BTG4: variants seen among roughly 807,000 people sequenced by gnomAD.
The protein encoded by BTG4 is BTG anti-proliferation factor 4.
In BTG4, 10 loss-of-function variants were observed where a neutral mutation model predicts 19.3. That is an observed-to-expected ratio of 0.52 (90% CI 0.32 to 0.88). The LOEUF (loss-of-function observed/expected upper bound fraction) is 0.88. Ranked by LOEUF, BTG4 falls within the 40% of genes least tolerant of loss-of-function variation. The pLI, the probability that BTG4 is intolerant of heterozygous loss-of-function variation, is 0.04. For missense variants in BTG4, 238 were observed against 281.9 expected, an observed-to-expected ratio of 0.84 and a Z score of 1.11; for synonymous variants, 91 against 95.7, an observed-to-expected ratio of 0.95 and a Z score of 0.29.
the BTG4 span, chr11:111,455,986 G>C: frequency 2.9e-6 from 1 of 341,982 alleles, no homozygotes; most frequent in Non-Finnish European, 6.1e-6. Flanking sequence ...CCCAGCAGGG[G>C]AGGAGAGGTA....
intron 5 of BTG4, among the ~76,000 whole-genome samples, chr11:111,476,108 A>T (rs1053023191): frequency 2.7e-5 from 4 of 147,816 alleles, no homozygotes; most frequent in Non-Finnish European, 5.9e-5. Flanking sequence ...AAACCATATC[A>T]TGCACCAAGA....
At chr11:111,505,354 A>G (rs957188148) in intron 1 of BTG4, among the ~76,000 whole-genome samples, 2 of 152,036 alleles carry the variant, frequency 1.3e-5, no homozygotes, top group African/African-American at 2.4e-5. Flanking sequence ...ATTAAAGTCA[A>G]CAGAAATAAA....
At chr11:111,390,975 T>C in the BTG4 span, among the ~76,000 whole-genome samples, 6 of 152,350 alleles carry the variant, frequency 3.9e-5, no homozygotes, top group East Asian at 1.2e-3. Flanking sequence ...AAGCCCTGGA[T>C]TGCAGAAAAT....
the BTG4 span, among the ~76,000 whole-genome samples, chr11:111,401,469 G>A: frequency 6.5e-3 from 962 of 146,986 alleles, 7 homozygotes; most frequent in African/African-American, 0.023. Flanking sequence ...GAGACAGAGC[G>A]AGACTCCGTC....
At chr11:111,490,343 C>T (rs768661939), downstream of BTG4, among the ~76,000 whole-genome samples, 2 of 152,006 alleles carry the variant, frequency 1.3e-5, no homozygotes, top group African/African-American at 2.4e-5. Context: ...AAATGATCAA[C>T]GCTTGAGGTG....
At chr11:111,498,256 C>T in intron 2 of BTG4, 121 bp from the exon 3 acceptor site, 1 of 1,069,342 alleles carries the variant, frequency 9.4e-7, no homozygotes, top group Non-Finnish European at 1.4e-6. Context: ...CCTCCTTCCC[C>T]TCAGCCTCCT....
the BTG4 span, among the ~76,000 whole-genome samples, chr11:111,409,820 G>GA: frequency 0.04 from 6,067 of 152,076 alleles, 130 homozygotes; most frequent in Middle Eastern, 0.14. Context: ...GCTATAGTAG[G>GA]AAAAAAAGCA....
the BTG4 span, among the ~76,000 whole-genome samples, chr11:111,437,018 G>A: frequency 2.6e-5 from 4 of 152,132 alleles, no homozygotes; most frequent in Non-Finnish European, 2.9e-5. Context: ...CCCTGTCTGC[G>A]GAGACTTTTA....
chr11:111,487,556 C>T (rs999499851), intron 5 of BTG4, among the ~76,000 whole-genome samples: 4 of 152,108 alleles, frequency 2.6e-5, no homozygotes, highest in Admixed American at 2.0e-4. Flanking sequence ...AACAAGACAA[C>T]GATGCCCACT....
chr11:111,440,260 C>T, the BTG4 span, among the ~76,000 whole-genome samples: 1 of 152,326 alleles, frequency 6.6e-6, no homozygotes, highest in Non-Finnish European at 1.5e-5. Context: ...AGCTTCAAGC[C>T]TTCACATGAC....
At chr11:111,514,702 C>A, upstream of BTG4, 3 of 1,105,766 alleles carry the variant, frequency 2.7e-6, no homozygotes, top group Non-Finnish European at 3.8e-6. Context: ...GGGCTGGTAC[C>A]AACTTGGCGG....
intron 1 of BTG4, among the ~76,000 whole-genome samples, chr11:111,507,567 A>C (rs542127254): frequency 6.6e-6 from 1 of 152,138 alleles, no homozygotes; most frequent in Non-Finnish European, 1.5e-5. Context: ...TCTGCTGCCT[A>C]TGGCTAATTC....
At chr11:111,391,123 G>T in the BTG4 span, among the ~76,000 whole-genome samples, 1 of 152,076 alleles carries the variant, frequency 6.6e-6, no homozygotes, top group Non-Finnish European at 1.5e-5. Flanking sequence ...CTTTTTCAGG[G>T]GTAGACAACC....
At chr11:111,437,024 T>C in the BTG4 span, among the ~76,000 whole-genome samples, 4 of 152,190 alleles carry the variant, frequency 2.6e-5, no homozygotes, top group South Asian at 2.1e-4. Flanking sequence ...CTGCGGAGAC[T>C]TTTATCCAAC....
rs1021874821 is a variant in BTG4, at chr11:111,500,464, T to G, written c.-26-1662A>C. Reference sequence around the variant, plus strand: ...GAGCCAAATCTACCTCTGATTTTCCTATATGTGCAGCCTAGTTTTTCCTTC... The same window carrying G: ...GAGCCAAATCTACCTCTGATTTTCCGATATGTGCAGCCTAGTTTTTCCTTC... On this transcript the variant is annotated intron_variant, in intron 1 of 4. Coordinates refer to ENST00000692032, the MANE Select transcript of BTG4 (RefSeq NM_001367975.1). Among the ~76,000 whole-genome samples, 12 of 152,358 alleles carry G rather than the reference T, an allele frequency of 7.9e-5. No homozygotes were observed. In the East Asian group the frequency reaches 2.3e-3, roughly 29 times the overall value.
At chr11:111,482,090 TA>T (rs1049070787) in intron 5 of BTG4, among the ~76,000 whole-genome samples, 8 of 151,542 alleles carry the variant, frequency 5.3e-5, no homozygotes, top group African/African-American at 1.5e-4. Context: ...TACACAGAGA[TA>T]AAAAAAATTC....
intron 5 of BTG4, among the ~76,000 whole-genome samples, chr11:111,488,799 G>C (rs1865220227): frequency 6.6e-6 from 1 of 152,058 alleles, no homozygotes; most frequent in Admixed American, 6.6e-5. Context: ...CATTTCTTTT[G>C]TTCTCTTTGT....
At chr11:111,467,656 C>T (rs752012810) in exon 6 of BTG4, 2 of 768,840 alleles carry the variant, frequency 2.6e-6, no homozygotes, top group Non-Finnish European at 4.8e-6. Flanking sequence ...GCTGCAAATT[C>T]ATTCCCAGAT....
the BTG4 span, among the ~76,000 whole-genome samples, chr11:111,386,931 T>C: frequency 0.028 from 4,232 of 152,280 alleles, 247 homozygotes; most frequent in African/African-American, 0.096. Context: ...GTGAAGAGAT[T>C]ATGTAATTTA....
Sources: allele counts gnomAD v4.1 joint callset (sites outside exome capture counted in the v4.1 genomes callset), GRCh38; gene constraint gnomAD v4.1.1; transcripts MANE v1.5; gene names NCBI Gene and HGNC (gene_info 2026-07-23, HGNC 2026-07-21).